Variants in PAICS observed in about 807,000 individuals in gnomAD.
PAICS encodes the protein bifunctional phosphoribosylaminoimidazole carboxylase/phosphoribosylaminoimidazole succinocarboxamide synthetase.
Under a neutral mutation model 53.7 loss-of-function variants are expected in PAICS, and 33 were observed. The observed-to-expected ratio is 0.61, with a 90% confidence interval of 0.47 to 0.82. The LOEUF is 0.82. PAICS is among the 40% of genes least tolerant of loss of function. PAICS has a pLI of 0.00. For synonymous variants in PAICS, 141 were observed against 167.2 expected, an observed-to-expected ratio of 0.84 and a Z score of 1.21; for missense variants, 394 against 494.1, an observed-to-expected ratio of 0.80 and a Z score of 1.92.
chr4:56,441,240 G>A (rs1302345745), intron 1 of PAICS, among the ~76,000 whole-genome samples: 1 of 152,200 alleles, frequency 6.6e-6, no homozygotes, highest in Non-Finnish European at 1.5e-5. Flanking sequence ...TACTGTGAGT[G>A]TGTCTGTGAA....
At chr4:56,437,548 G>T (rs1718080081) in intron 1 of PAICS, among the ~76,000 whole-genome samples, 1 of 151,780 alleles carries the variant, frequency 6.6e-6, no homozygotes, top group Admixed American at 6.6e-5. Flanking sequence ...CAGGCCGGGC[G>T]CTGTGGCTCA....
At chr4:56,437,446 T>C (rs1023638037) in intron 1 of PAICS, among the ~76,000 whole-genome samples, 2 of 152,126 alleles carry the variant, frequency 1.3e-5, no homozygotes, top group Non-Finnish European at 2.9e-5. Context: ...AGTTGCTATA[T>C]GTATAGTGAG....
the PAICS span, among the ~76,000 whole-genome samples, chr4:56,415,648 T>C: frequency 2.0e-5 from 3 of 152,216 alleles, no homozygotes; most frequent in African/African-American, 4.8e-5. Flanking sequence ...TATTTGATCA[T>C]ACATGCCAAA....
the PAICS span, chr4:56,410,638 T>A: frequency 1.1e-5 from 11 of 986,770 alleles, no homozygotes; most frequent in African/African-American, 3.5e-5. Flanking sequence ...GAATATTTAT[T>A]TACATTGCTA....
chr4:56,418,586 T>G, the PAICS span, among the ~76,000 whole-genome samples: 4 of 152,184 alleles, frequency 2.6e-5, no homozygotes, highest in African/African-American at 9.7e-5. Context: ...CCCAAAGTAC[T>G]GGGATTACAG....
rs1184314173 is a variant in PAICS at position 56,450,720 on chromosome 4, A to C, written c.771+18A>C. 2 of 1,161,568 alleles carry C rather than the reference A, an allele frequency of 1.7e-6. No homozygotes were observed. The highest frequency in any genetic ancestry group is 2.5e-6 in the Non-Finnish European group (2 of 791,054). The allele number at this position is 1,161,568 out of a possible 1,614,324, so 72.0% of individuals were successfully genotyped here. ...GAGTAGAGGTAAACCTTCTATAGTA[A>C]AACTGTATGTATTATGTGTTTTTCT... On this transcript the variant is annotated intron_variant, in intron 6 of 8. Coordinates refer to ENST00000512576, the MANE Select transcript of PAICS (RefSeq NM_001079524.2).
In PAICS at chr4:56,456,020, T is replaced by G. The variant is rs150384474; in HGVS notation, c.1111+2259T>G. On this transcript the variant is annotated intron_variant, in intron 8 of 8. Coordinates refer to ENST00000512576, the MANE Select transcript of PAICS (RefSeq NM_001079524.2). The stretch of plus-strand genomic sequence containing the variant: ...AAATTTGGGCTTCCCTTGATTTCTA[T>G]TCTACTTGTTTGTCTTGTTGGTATA... Among the ~76,000 whole-genome samples the G allele has an allele frequency of 2.5e-3, 381 of 152,238 alleles. 3 individuals carry two copies. The highest frequency in any genetic ancestry group is 8.7e-3 in the African/African-American group (363 of 41,494).
At chr4:56,457,333 A>C (rs1181476142) in intron 8 of PAICS, among the ~76,000 whole-genome samples, 1 of 152,112 alleles carries the variant, frequency 6.6e-6, no homozygotes, top group Non-Finnish European at 1.5e-5. Context: ...TGATCACTGG[A>C]GCCTGGGAAG....
the PAICS span, among the ~76,000 whole-genome samples, chr4:56,423,699 A>C: frequency 6.6e-6 from 1 of 152,098 alleles, no homozygotes; most frequent in Non-Finnish European, 1.5e-5. Flanking sequence ...CCAAATATGA[A>C]ATATTTGGAA....
upstream of PAICS, among the ~76,000 whole-genome samples, chr4:56,432,515 G>A (rs1717641440): frequency 1.5e-5 from 2 of 134,034 alleles, no homozygotes; most frequent in African/African-American, 2.9e-5. Context: ...GACAGAGTGA[G>A]ACCCTGTCTC....
the PAICS span, among the ~76,000 whole-genome samples, chr4:56,417,031 T>C: frequency 6.6e-6 from 1 of 152,122 alleles, no homozygotes; most frequent in Admixed American, 6.5e-5. Flanking sequence ...GTATATTTAG[T>C]AGAGACAGGG....
At chr4:56,419,780 G>T in the PAICS span, 1,011 of 984,798 alleles carry the variant, frequency 1.0e-3, 35 homozygotes, top group South Asian at 0.035. Context: ...GAAATAAGAG[G>T]ATATTTCAAC....
the PAICS span, among the ~76,000 whole-genome samples, chr4:56,417,407 G>A: frequency 6.6e-6 from 1 of 151,968 alleles, no homozygotes; most frequent in East Asian, 1.9e-4. Context: ...CCTGACAAAA[G>A]TTATTAATTG....
chr4:56,432,552 A>G (rs1211524701), upstream of PAICS, among the ~76,000 whole-genome samples: 4 of 150,246 alleles, frequency 2.7e-5, no homozygotes, highest in East Asian at 2.0e-4. Flanking sequence ...AAGGGAGGCC[A>G]AGGCGGGCAG....
rs1392685477 is a variant in PAICS at position 56,463,225 on chromosome 4, A to G, written c.*3687A>G. The G allele has an allele frequency of 1.3e-5, 2 of 152,066 alleles. No homozygotes were observed. The highest frequency in any genetic ancestry group is 2.9e-5 in the Non-Finnish European group (2 of 68,022). 9.4% of individuals were successfully genotyped at this position (152,066 alleles called of 1,614,324 possible). A position where few individuals can be genotyped will look rare whatever the true frequency, so the allele number is the denominator to read the frequency against. ...CTTGGGGTGGAATTGTTAATCTCAC[A>G]TTGCAGTACAATGAAAATAGTGGAA... is the stretch of plus-strand genomic sequence containing the variant. On this transcript the variant is annotated 3_prime_UTR_variant, in exon 9 of 9. Transcript: ENST00000512576.
chr4:56,431,458 G>A (rs1717581594), upstream of PAICS: 2 of 977,502 alleles, frequency 2.0e-6, no homozygotes, highest in South Asian at 4.7e-5. Context: ...GTGCTCCTGA[G>A]ATCATTACAA....
At chr4:56,423,354 G>T in the PAICS span, 1 of 152,138 alleles carries the variant, frequency 6.6e-6, no homozygotes, top group Non-Finnish European at 1.5e-5. Flanking sequence ...AGGTGCAGTT[G>T]GCACATGCCT....
chr4:56,454,248 G>A (rs779668125), intron 8 of PAICS, among the ~76,000 whole-genome samples: 3 of 152,178 alleles, frequency 2.0e-5, no homozygotes, highest in Non-Finnish European at 4.4e-5. Context: ...CCTTGGGCAT[G>A]TGCAGTTATC....
chr4:56,461,136 C>A lies in PAICS; in HGVS notation c.*1598C>A, dbSNP rs1560668056. The A allele has an allele frequency of 6.6e-6, 1 of 152,182 alleles. No individual in the cohort carries two copies. Among genetic ancestry groups the A allele is most frequent in the Non-Finnish European group, 1.5e-5 (1 of 68,034 alleles). The allele number at this position is 152,182 out of a possible 1,614,324, so 9.4% of individuals were successfully genotyped here. On this transcript the variant is annotated 3_prime_UTR_variant, in exon 9 of 9. Transcript: ENST00000512576. Reference sequence around the variant, plus strand: ...AGCTTTATGTTCGCTGTCCATGAAACCTTCTGTAACCACAGTGACTACAAG... The same window carrying A: ...AGCTTTATGTTCGCTGTCCATGAAAACTTCTGTAACCACAGTGACTACAAG...
Sources: gnomAD v4.1 joint callset for allele counts (sites outside exome capture counted in the v4.1 genomes callset) on GRCh38, gnomAD v4.1.1 for gene constraint, MANE v1.5 for transcripts, NCBI Gene and HGNC (gene_info 2026-07-23, HGNC 2026-07-21) for gene names.